BMPR2: variants seen among roughly 807,000 people sequenced by gnomAD.
The protein encoded by BMPR2 is bone morphogenetic protein receptor type 2, also known as bone morphogenetic protein receptor type-2.
A neutral mutation model predicts 100.8 loss-of-function variants in BMPR2; 29 were observed. The observed-to-expected ratio is 0.29, with a 90% CI of 0.21 to 0.39. The LOEUF is 0.39. Ranked by LOEUF, BMPR2 falls within the 10% of genes least tolerant of loss-of-function variation. The pLI is 1.00. For synonymous variants in BMPR2, 382 were observed against 442.3 expected (o/e 0.86, Z 1.71); for missense variants, 1,011 against 1,274.5 (o/e 0.79, Z 3.15).
Position 202,532,765 on chromosome 2 carries a change from G to T in BMPR2, c.1276+33G>T. 6.2e-7 allele frequency: 1 copy of T among 1,602,476 alleles called. No homozygotes were observed. Among genetic ancestry groups the T allele is most frequent in the South Asian group, 1.1e-5 (1 of 90,906 alleles). ...CTACTGTCAAAAGTTGATATTTTTTGAAGTGAAGCAGTTATATCTTCTTTC... is the reference window on the plus strand; with the variant it reads ...CTACTGTCAAAAGTTGATATTTTTTTAAGTGAAGCAGTTATATCTTCTTTC... On this transcript the variant is annotated intron_variant, in intron 9 of 12. Coordinates refer to ENST00000374580, the MANE Select transcript of BMPR2 (RefSeq NM_001204.7). The surrounding 1 kb of genome is among the most constrained non-coding windows in gnomAD (Gnocchi z 4.1).
At chr2:202,458,551 T>G (rs1692167273) in intron 1 of BMPR2, among the ~76,000 whole-genome samples, 1 of 152,188 alleles carries the variant, frequency 6.6e-6, no homozygotes, top group Non-Finnish European at 1.5e-5. Flanking sequence ...GAATTTGGCC[T>G]CTGCTGTATT....
chr2:202,446,163 G>A (rs567241496), intron 1 of BMPR2, among the ~76,000 whole-genome samples: 3 of 150,730 alleles, frequency 2.0e-5, no homozygotes, highest in South Asian at 4.1e-4. Flanking sequence ...CACTTTGGGA[G>A]GCTGAGGTGG....
At chr2:202,533,219 C>T (rs746740221) in intron 9 of BMPR2, among the ~76,000 whole-genome samples, 74 of 151,980 alleles carry the variant, frequency 4.9e-4, no homozygotes, top group African/African-American at 1.5e-3. Flanking sequence ...TATCTCCTTC[C>T]CTTCCTCCTC....
At chr2:202,384,383 G>A (rs527945980) in intron 1 of BMPR2, among the ~76,000 whole-genome samples, 2 of 152,282 alleles carry the variant, frequency 1.3e-5, no homozygotes, top group South Asian at 4.1e-4. Flanking sequence ...TATGAGACAT[G>A]ATAAAGTATT....
At chr2:202,504,353 G>A (rs1687473833) in intron 3 of BMPR2, among the ~76,000 whole-genome samples, 2 of 152,002 alleles carry the variant, frequency 1.3e-5, no homozygotes, top group East Asian at 1.9e-4. Flanking sequence ...CCTGAAGCCA[G>A]CGAGACCAGG....
intron 3 of BMPR2, among the ~76,000 whole-genome samples, chr2:202,490,449 G>A (rs547813587): frequency 5.9e-5 from 9 of 152,182 alleles, no homozygotes; most frequent in South Asian, 4.2e-4. Flanking sequence ...TTTGTGTATG[G>A]TATACATTCA....
chr2:202,500,874 A>T (rs1032320856), intron 3 of BMPR2, among the ~76,000 whole-genome samples: 9 of 152,240 alleles, frequency 5.9e-5, no homozygotes, highest in Non-Finnish European at 1.0e-4. Context: ...TCTGACTCCC[A>T]GTTTCTCTTT....
chr2:202,387,422 G>A (rs1690453053), intron 1 of BMPR2, among the ~76,000 whole-genome samples: 1 of 152,128 alleles, frequency 6.6e-6, no homozygotes, highest in Non-Finnish European at 1.5e-5. Flanking sequence ...GAGTAAGTGG[G>A]ACACTTGGGA....
intron 6 of BMPR2, 91 bp from the exon 7 acceptor site, chr2:202,519,996 G>T (rs1687791460): frequency 2.5e-6 from 2 of 796,848 alleles, no homozygotes; most frequent in African/African-American, 1.7e-5. Context: ...TAGCCTATTT[G>T]CAAATTCTTT....
At position 202,564,001 on chromosome 2, in the gene BMPR2, T is replaced by C. The variant is rs1688715481; in HGVS notation, c.*4055T>C. On this transcript the variant is annotated 3_prime_UTR_variant, in exon 13 of 13. Transcript: ENST00000374580. Reference sequence around the variant, plus strand: ...AATATTTAAAGAGAGAAAGGAACACTCAAGTAAGTGTGGGCTTCAGTGGGA... The same window carrying C: ...AATATTTAAAGAGAGAAAGGAACACCCAAGTAAGTGTGGGCTTCAGTGGGA... The C allele has an allele frequency of 6.6e-6, 1 of 152,190 alleles. No homozygotes were observed. The highest frequency in any genetic ancestry group is 1.5e-5 in the Non-Finnish European group (1 of 68,030). 9.4% of individuals were successfully genotyped at this position (152,190 alleles called of 1,614,324 possible).
At chr2:202,445,157 G>C (rs1162129001) in intron 1 of BMPR2, among the ~76,000 whole-genome samples, 2 of 150,496 alleles carry the variant, frequency 1.3e-5, no homozygotes, top group Admixed American at 6.6e-5. Flanking sequence ...ACTTGAAAAT[G>C]CTATCCAGAT....
intron 10 of BMPR2, among the ~76,000 whole-genome samples, chr2:202,547,520 C>T (rs190943573): frequency 2.9e-4 from 43 of 150,782 alleles, no homozygotes; most frequent in Admixed American, 2.5e-3. Context: ...CGGTGGCTCA[C>T]GCCTGTAATC....
intron 1 of BMPR2, among the ~76,000 whole-genome samples, chr2:202,437,120 C>T (rs1014044665): frequency 5.3e-5 from 8 of 150,410 alleles, no homozygotes; most frequent in African/African-American, 2.0e-4. Context: ...ATTCTTCTGC[C>T]TCAGCCTCCA....
intron 1 of BMPR2, among the ~76,000 whole-genome samples, chr2:202,424,124 A>T (rs75855069): frequency 0.036 from 5,260 of 147,700 alleles, 310 homozygotes; most frequent in African/African-American, 0.12. Flanking sequence ...CTGTGATCCC[A>T]GCACTTTGAG....
intron 3 of BMPR2, chr2:202,469,507 C>A: frequency 3.0e-6 from 1 of 328,082 alleles, no homozygotes. Context: ...GAGACAGAAT[C>A]TTGCTTTTGT....
chr2:202,511,732 A>G (rs756632271), intron 3 of BMPR2, among the ~76,000 whole-genome samples: 1 of 152,112 alleles, frequency 6.6e-6, no homozygotes, highest in Non-Finnish European at 1.5e-5. Context: ...AATATCTGAA[A>G]AATGGGCTGG....
intron 1 of BMPR2, among the ~76,000 whole-genome samples, chr2:202,392,790 C>T (rs1398909068): frequency 2.0e-5 from 3 of 151,702 alleles, no homozygotes; most frequent in Non-Finnish European, 2.9e-5. Flanking sequence ...GTCGGGAGTT[C>T]GAGACCAGCC....
intron 9 of BMPR2, among the ~76,000 whole-genome samples, chr2:202,536,203 C>T (rs1382553918): frequency 1.3e-5 from 2 of 152,032 alleles, no homozygotes; most frequent in Non-Finnish European, 2.9e-5. Context: ...GCCTTGACCT[C>T]CCCAGGCTCA....
chr2:202,402,977 C>G (rs940172985), intron 1 of BMPR2, among the ~76,000 whole-genome samples: 1 of 151,100 alleles, frequency 6.6e-6, no homozygotes, highest in Non-Finnish European at 1.5e-5. Flanking sequence ...TACAGGCATG[C>G]GCCACCACGC....
Sources: gnomAD v4.1 joint callset for allele counts (sites outside exome capture counted in the v4.1 genomes callset) on GRCh38, gnomAD v4.1.1 for gene constraint, Gnocchi (gnomAD v3.1) non-coding constraint, MANE v1.5 for transcripts, NCBI Gene and HGNC (gene_info 2026-07-23, HGNC 2026-07-21) for gene names.